The following HDAC11 variants were observed in gnomAD, a reference collection of about 807,000 sequenced individuals.
HDAC11 encodes the protein histone deacetylase 11.
Under a neutral mutation model 41.1 loss-of-function variants are expected in HDAC11, and 23 were observed. The ratio of observed to expected loss-of-function variants is 0.56; its 90% confidence interval spans 0.40 to 0.79. The LOEUF (loss-of-function observed/expected upper bound fraction) is 0.79. Among genes scored for constraint, HDAC11 ranks in the 30% least tolerant of loss-of-function variants. HDAC11 has a pLI of 0.00. For synonymous variants in HDAC11, 187 were observed against 186.6 expected (o/e 1.00, Z -0.02); for missense variants, 402 against 477.3 (o/e 0.84, Z 1.47).
At chr3:13,486,655 A>T (rs1464206005) in intron 3 of HDAC11, among the ~76,000 whole-genome samples, 2 of 146,098 alleles carry the variant, frequency 1.4e-5, no homozygotes, top group South Asian at 2.2e-4. Flanking sequence ...CTCAGCTCAC[A>T]GCAACCTCTG....
chr3:13,495,219 G>A (rs527741205), intron 3 of HDAC11, among the ~76,000 whole-genome samples: 11 of 152,116 alleles, frequency 7.2e-5, no homozygotes, highest in Non-Finnish European at 1.0e-4. Flanking sequence ...GCCCTTGATC[G>A]TCCCCAGGGG....
intron 4 of HDAC11, among the ~76,000 whole-genome samples, chr3:13,498,148 G>A (rs756310148): frequency 2.0e-5 from 3 of 152,268 alleles, no homozygotes; most frequent in Non-Finnish European, 2.9e-5. Context: ...GAGCCACTGC[G>A]CCTGGCCCAG....
At chr3:13,487,984 A>C (rs554621394) in intron 3 of HDAC11, among the ~76,000 whole-genome samples, 2 of 151,970 alleles carry the variant, frequency 1.3e-5, no homozygotes, top group East Asian at 3.9e-4. Flanking sequence ...CTGTGATCAC[A>C]GGTGACATGT....
chr3:13,501,441 G>T (rs1044705564), intron 6 of HDAC11, among the ~76,000 whole-genome samples: 2 of 152,170 alleles, frequency 1.3e-5, no homozygotes, highest in Non-Finnish European at 2.9e-5. Flanking sequence ...CCTTCCTGGG[G>T]AGGAGGGAAT....
At chr3:13,488,726 G>A (rs1460266682) in intron 3 of HDAC11, among the ~76,000 whole-genome samples, 1 of 152,150 alleles carries the variant, frequency 6.6e-6, no homozygotes, top group Non-Finnish European at 1.5e-5. Flanking sequence ...GTGCATACGA[G>A]TATTTATTAG....
chr3:13,503,170 C>T, intron 8 of HDAC11, 190 bp downstream of exon 8: 1 of 449,682 alleles, frequency 2.2e-6, no homozygotes, highest in East Asian at 3.5e-5. Context: ...CCCAAGATCA[C>T]ATAACCCTTA....
In HDAC11 at chr3:13,498,553, T is replaced by TG. The variant is rs1291954170; in HGVS notation, c.412+1dup. 6.3e-7 allele frequency: 1 copy of TG among 1,590,692 alleles called. No homozygotes were observed. The highest frequency in any genetic ancestry group is 2.3e-5 in the East Asian group (1 of 42,604). Reference sequence around the variant, plus strand: ...GTGGAGCGAGGCTGGGCCATCAACGTGGGTGAGTGCTGGGAATGTCCTCGG... The same window carrying TG: ...GTGGAGCGAGGCTGGGCCATCAACGTGGGGTGAGTGCTGGGAATGTCCTCGG... On this transcript the variant is annotated frameshift_variant and splice_region_variant, in exon 5 of 10. Transcript: ENST00000295757. LOFTEE classifies it high-confidence loss of function.
At position 13,481,308 on chromosome 3, in the gene HDAC11, C is replaced by T; in HGVS notation, c.65C>T (p.Pro22Leu). The change falls in exon 2 of 10, where the codon CCG becomes CTG. Residue 22 changes from proline to leucine, a missense_variant. Transcript: ENST00000295757. ...PETRWPIVYS[P>L]RYNITFMGLE... ...ACACGCTGGCCAATCGTGTACTCGC[C>T]GCGCTACAACATCACCTTCATGGGC... 3.7e-6 allele frequency: 6 copies of T among 1,613,510 alleles called. No individual in the cohort carries two copies. Among genetic ancestry groups the T allele is most frequent in the Non-Finnish European group, 3.4e-6 (4 of 1,180,026 alleles).
At chr3:13,500,872 C>G (rs550493153) in intron 6 of HDAC11, 83 bp downstream of exon 6, 3 of 1,084,720 alleles carry the variant, frequency 2.8e-6, no homozygotes, top group Non-Finnish European at 3.9e-6. Context: ...TGTTCTCACC[C>G]TGAATTATAG....
intron 3 of HDAC11, among the ~76,000 whole-genome samples, chr3:13,487,093 C>T (rs1340496557): frequency 1.3e-5 from 2 of 152,114 alleles, no homozygotes; most frequent in Non-Finnish European, 2.9e-5. Flanking sequence ...TTCCAGGGAC[C>T]TTGGACAGTC....
chr3:13,504,363 T>C (rs369567005), intron 9 of HDAC11, 91 bp downstream of exon 9: 19 of 1,585,014 alleles, frequency 1.2e-5, no homozygotes, highest in Non-Finnish European at 1.5e-5. Context: ...AGGGAGGAGA[T>C]GGACTGAAGC....
Position 13,505,165 on chromosome 3 carries a change from G to C in HDAC11, c.*482G>C, listed in dbSNP as rs1341731784. 5.0e-6 allele frequency: 1 copy of C among 201,456 alleles called. No individual in the cohort carries two copies. Among genetic ancestry groups the C allele is most frequent in the Non-Finnish European group, 1.0e-5 (1 of 97,314 alleles). The allele number at this position is 201,456 out of a possible 1,614,324, so 12.5% of individuals were successfully genotyped here. On this transcript the variant is annotated 3_prime_UTR_variant, in exon 10 of 10. Transcript: ENST00000295757. ...TTTGCCCCAGAGCTGAAGAGCTATA[G>C]GCACTGGTGTGGATGGCCCAGGAGG...
At position 13,504,503 on chromosome 3, in the gene HDAC11, G is replaced by C. The variant is rs558930543; in HGVS notation, c.864G>C (p.Met288Ile). ...IVKRDELVFR[M>I]VRGRRVPILM... ...AGCGGGATGAGCTGGTGTTCCGGAT[G>C]GTCCGTGGCCGCCGGGTGCCCATCC... is the stretch of plus-strand genomic sequence containing the variant. The change falls in exon 10 of 10, where the codon ATG becomes ATC. Residue 288 changes from methionine (M) to isoleucine (I), a missense_variant. Coordinates refer to ENST00000295757, the MANE Select transcript of HDAC11 (RefSeq NM_024827.4). 1 of 1,613,458 alleles carries C rather than the reference G, an allele frequency of 6.2e-7. No individual in the cohort carries two copies. Among genetic ancestry groups the C allele is most frequent in the East Asian group, 2.2e-5 (1 of 44,878 alleles).
At position 13,483,512 on chromosome 3, in the gene HDAC11, C is replaced by T. The variant is rs767941450; in HGVS notation, c.200C>T (p.Ser67Leu). 1.4e-5 allele frequency: 23 copies of T among 1,613,124 alleles called. No homozygotes were observed. The highest frequency in any genetic ancestry group is 7.7e-5 in the South Asian group (7 of 91,044). Reference protein sequence around the residue: ...DSMLVEAREASEEDLLVVHTR... With the variant: ...DSMLVEAREALEEDLLVVHTR... ...ATGCTGGTGGAGGCGCGGGAGGCCT[C>T]GGAGGAGGACCTGCTGGTGGTGCAC... is the stretch of plus-strand genomic sequence containing the variant. Residue 67 changes from serine to leucine, a missense_variant, in exon 3 of 10, where the codon TCG becomes TTG. Transcript: ENST00000295757.
intron 4 of HDAC11, 82 bp downstream of exon 4, chr3:13,496,934 C>T: frequency 1.6e-6 from 1 of 631,816 alleles, no homozygotes; most frequent in Non-Finnish European, 2.7e-6. Context: ...CTGGAATGCC[C>T]TCCTCCCACT....
intron 5 of HDAC11, 118 bp from the exon 6 acceptor site, chr3:13,500,595 G>T (rs1702312704): frequency 7.3e-6 from 6 of 820,846 alleles, no homozygotes; most frequent in South Asian, 6.2e-5. Context: ...AGAGTCCGAG[G>T]CACAGGTTCC....
chr3:13,493,036 C>T (rs978104449), intron 3 of HDAC11, among the ~76,000 whole-genome samples: 1 of 152,214 alleles, frequency 6.6e-6, no homozygotes, highest in Non-Finnish European at 1.5e-5. Context: ...CACCCCAGTC[C>T]TAGCCTCACC....
chr3:13,500,266 T>C (rs2125010430), intron 5 of HDAC11, among the ~76,000 whole-genome samples: 1 of 152,100 alleles, frequency 6.6e-6, no homozygotes, highest in African/African-American at 2.4e-5. Flanking sequence ...GGGTGATGGA[T>C]CCCGGGCTCT....
intron 2 of HDAC11, among the ~76,000 whole-genome samples, chr3:13,481,990 C>T (rs553962293): frequency 6.6e-6 from 1 of 152,284 alleles, no homozygotes; most frequent in South Asian, 2.1e-4. Flanking sequence ...ATATGGCACT[C>T]ATTATAAGAT....
Sources: allele counts gnomAD v4.1 joint callset (sites outside exome capture counted in the v4.1 genomes callset), GRCh38; gene constraint gnomAD v4.1.1; transcripts MANE v1.5; gene names NCBI Gene and HGNC (gene_info 2026-07-23, HGNC 2026-07-21).